The following THSD4 variants were observed in gnomAD, a reference collection of about 807,000 sequenced individuals.
THSD4 encodes the protein thrombospondin type-1 domain-containing protein 4.
In THSD4, 69 loss-of-function variants were observed where a neutral mutation model predicts 119.0. That is an observed-to-expected ratio of 0.58 (90% CI 0.48 to 0.71). The LOEUF is 0.71. THSD4 is among the 30% of genes least tolerant of loss of function. THSD4 has a pLI of 0.00. For synonymous variants in THSD4, 524 were observed against 540.4 expected (o/e 0.97, Z 0.42); for missense variants, 1,393 against 1,391.1 (o/e 1.00, Z -0.02).
intron 6 of THSD4, among the ~76,000 whole-genome samples, chr15:71,256,975 G>A (rs1567171741): frequency 1.3e-5 from 2 of 152,202 alleles, no homozygotes; most frequent in Non-Finnish European, 1.5e-5. Flanking sequence ...GGATGGCAGG[G>A]TGAGGGGGAC....
At chr15:71,470,586 T>C (rs994018338) in intron 7 of THSD4, among the ~76,000 whole-genome samples, 1 of 152,250 alleles carries the variant, frequency 6.6e-6, no homozygotes, top group Non-Finnish European at 1.5e-5. Context: ...TGTAGTGATT[T>C]GATCAAGATC....
At chr15:71,116,416 C>T (rs981656208) in intron 1 of THSD4, among the ~76,000 whole-genome samples, 60 of 152,216 alleles carry the variant, frequency 3.9e-4, no homozygotes, top group African/African-American at 1.4e-3. Context: ...TCAGCCCTCA[C>T]TTGGGAAGGG....
At chr15:71,192,377 G>A (rs2043679669) in intron 3 of THSD4, among the ~76,000 whole-genome samples, 1 of 152,074 alleles carries the variant, frequency 6.6e-6, no homozygotes, top group Non-Finnish European at 1.5e-5. Flanking sequence ...CCACCTCCCA[G>A]GTTCAAGTGA....
Position 71,589,726 on chromosome 15 carries a change from C to T in THSD4, c.1153-70804C>T, listed in dbSNP as rs1163111387. Among the ~76,000 whole-genome samples the T allele has an allele frequency of 2.2e-5, 3 of 139,430 alleles. 1 individual carries two copies. Among genetic ancestry groups the T allele is most frequent in the African/African-American group, 5.0e-5 (2 of 39,860 alleles). 91.5% of individuals were successfully genotyped at this position (139,430 alleles called of 152,430 possible). A position where few individuals can be genotyped will look rare whatever the true frequency, so the allele number is the denominator to read the frequency against. On this transcript the variant is annotated intron_variant, in intron 7 of 17. Coordinates refer to ENST00000261862, the MANE Select transcript of THSD4 (RefSeq NM_024817.3). ...AATACTACCCAGAAAATCCCTTGTA[C>T]ATGTGTGCACAGAGACGAGTACAAT...
chr15:71,139,072 A>C (rs2040578072), intron 1 of THSD4, among the ~76,000 whole-genome samples: 1 of 151,470 alleles, frequency 6.6e-6, no homozygotes, highest in African/African-American at 2.4e-5. Context: ...TTCCAATTAC[A>C]GTGTGCACAC....
intron 15 of THSD4, among the ~76,000 whole-genome samples, chr15:71,761,320 C>T (rs1239126454): frequency 6.6e-6 from 1 of 152,154 alleles, no homozygotes; most frequent in Non-Finnish European, 1.5e-5. Context: ...TCAGTGACCA[C>T]ATCCTCTCCT....
intron 7 of THSD4, among the ~76,000 whole-genome samples, chr15:71,629,746 A>G (rs911867079): frequency 6.6e-6 from 1 of 151,590 alleles, no homozygotes. Flanking sequence ...TTGTTTATTT[A>G]CCTCCCTTGC....
chr15:71,157,348 T>C (rs985964133), intron 3 of THSD4, among the ~76,000 whole-genome samples: 1 of 152,214 alleles, frequency 6.6e-6, no homozygotes, highest in Non-Finnish European at 1.5e-5. Context: ...ATTATACATA[T>C]TTATGCATAC....
At chr15:71,151,198 C>T (rs568902981) in intron 2 of THSD4, among the ~76,000 whole-genome samples, 6 of 152,100 alleles carry the variant, frequency 3.9e-5, no homozygotes, top group Admixed American at 1.3e-4. Context: ...TGCAGTTCCT[C>T]GGAGTCAGAG....
In THSD4 at chr15:71,493,207, AT is replaced by A. The variant is rs575451848; in HGVS notation, c.1152+81385del. ...GTCAGATTTCATGGGCTCTGGGGTA[AT>A]GTGAGAATGGCGGATTTTTTTGTGA... On this transcript the variant is annotated intron_variant, in intron 7 of 17. Transcript: ENST00000261862. Among the ~76,000 whole-genome samples the A allele has an allele frequency of 1.1e-4, 17 of 152,356 alleles. No individual in the cohort carries two copies. The East Asian group carries it at 3.3e-3, about 29-fold the overall frequency.
chr15:71,547,048 A>C (rs1336221737), intron 7 of THSD4, among the ~76,000 whole-genome samples: 2 of 152,136 alleles, frequency 1.3e-5, no homozygotes, highest in African/African-American at 4.8e-5. Flanking sequence ...GTCCCCCTGC[A>C]TGTGGCGTGC....
At chr15:71,704,586 C>T (rs932929331) in intron 8 of THSD4, among the ~76,000 whole-genome samples, 18 of 152,230 alleles carry the variant, frequency 1.2e-4, no homozygotes, top group Admixed American at 1.1e-3. Context: ...ATTACCCAGT[C>T]TCAGGCATGT....
chr15:71,583,416 AT>A (rs1278539317), intron 7 of THSD4, among the ~76,000 whole-genome samples: 1 of 150,422 alleles, frequency 6.6e-6, no homozygotes, highest in East Asian at 1.9e-4. Context: ...TATTTCTGCT[AT>A]AATCTTTATT....
intron 7 of THSD4, among the ~76,000 whole-genome samples, chr15:71,502,480 C>G (rs959543271): frequency 5.3e-5 from 8 of 152,136 alleles, no homozygotes; most frequent in African/African-American, 1.9e-4. Flanking sequence ...AAAGCAAATA[C>G]TAAGCATGTT....
chr15:71,627,760 A>AT (rs539847130), intron 7 of THSD4, among the ~76,000 whole-genome samples: 46 of 152,132 alleles, frequency 3.0e-4, no homozygotes, highest in Admixed American at 2.7e-3. Context: ...GTAAGGAGAG[A>AT]TTTTTTCCAG....
At chr15:71,613,891 T>C (rs1462269404) in intron 7 of THSD4, among the ~76,000 whole-genome samples, 1 of 152,202 alleles carries the variant, frequency 6.6e-6, no homozygotes, top group Admixed American at 6.5e-5. Flanking sequence ...GTAACTGATA[T>C]CTGTCTATGG....
chr15:71,749,747 T>C (rs1303488810), intron 14 of THSD4, among the ~76,000 whole-genome samples: 1 of 147,416 alleles, frequency 6.8e-6, no homozygotes, highest in Non-Finnish European at 1.5e-5. Context: ...TGAGACCGGG[T>C]CTCATTCTAT....
intron 11 of THSD4, among the ~76,000 whole-genome samples, chr15:71,739,074 T>C (rs537989846): frequency 1.4e-5 from 2 of 147,688 alleles, no homozygotes; most frequent in East Asian, 4.1e-4. Flanking sequence ...CAGTTGAAAC[T>C]CATTCTCAAA....
intron 7 of THSD4, among the ~76,000 whole-genome samples, chr15:71,510,167 C>T (rs909897471): frequency 6.6e-6 from 1 of 152,196 alleles, no homozygotes; most frequent in Non-Finnish European, 1.5e-5. Flanking sequence ...ACACCCAATG[C>T]GCTTGCCACT....
Sources: allele counts gnomAD v4.1 joint callset (sites outside exome capture counted in the v4.1 genomes callset), GRCh38; gene constraint gnomAD v4.1.1; transcripts MANE v1.5; gene names NCBI Gene and HGNC (gene_info 2026-07-23, HGNC 2026-07-21).